The following HMCN2 variants were observed in gnomAD, a reference collection of about 807,000 sequenced individuals.
HMCN2 encodes hemicentin 2.
In HMCN2, 325 loss-of-function variants were observed where a neutral mutation model predicts 377.5. The ratio of observed to expected loss-of-function variants is 0.86; its 90% CI spans 0.79 to 0.94. The LOEUF (loss-of-function observed/expected upper bound fraction) is 0.94. Ranked by LOEUF, HMCN2 falls within the 40% of genes least tolerant of loss-of-function variation. HMCN2 has a pLI of 0.00. For synonymous variants in HMCN2, 2,007 were observed against 2,046.8 expected (o/e 0.98, Z 0.53); for missense variants, 4,543 against 4,725.3 (o/e 0.96, Z 1.13).
In HMCN2 at chr9:130,285,317, G is replaced by C. The variant is rs1554927292; in HGVS notation, c.489+1G>C. ...GCTCCTGCAGCTCAAGCAATCACAG[G>C]TGGGTGAGCCGGCTGTGGGGGCCCA... On this transcript the variant is annotated splice_donor_variant, in intron 3 of 97. Transcript: ENST00000683500. LOFTEE classifies it high-confidence loss of function. 8.5e-6 allele frequency: 4 copies of C among 471,094 alleles called. No individual in the cohort carries two copies. Among genetic ancestry groups the C allele is most frequent in the Non-Finnish European group, 1.8e-5 (4 of 227,026 alleles). 29.2% of individuals were successfully genotyped at this position (471,094 alleles called of 1,614,324 possible).
In HMCN2 at chr9:130,428,331, C is replaced by A; in HGVS notation, c.14066-27C>A. On this transcript the variant is annotated intron_variant, in intron 92 of 97. Transcript: ENST00000683500. This position sits in a 1 kb window ranked among gnomAD's most constrained non-coding sequence, Gnocchi z 5.0. Reference sequence around the variant, plus strand: ...GGCACGCCTGGGGATCATGTTCACACAGCCGTCTGCCCTGATCTGCCCCCA... The same window carrying A: ...GGCACGCCTGGGGATCATGTTCACAAAGCCGTCTGCCCTGATCTGCCCCCA... The A allele has an allele frequency of 6.6e-7, 1 of 1,510,728 alleles. No individual in the cohort carries two copies. Among genetic ancestry groups the A allele is most frequent in the Non-Finnish European group, 8.9e-7 (1 of 1,123,268 alleles). The allele number at this position is 1,510,728 out of a possible 1,614,324, so 93.6% of individuals were successfully genotyped here.
intron 36 of HMCN2, 80 bp from the exon 37 acceptor site, chr9:130,359,239 C>G: frequency 1.4e-6 from 1 of 691,956 alleles, no homozygotes; most frequent in Non-Finnish European, 2.2e-6. Flanking sequence ...GAGCAGGGAG[C>G]AGCACTGCTG....
chr9:130,295,713 C>G lies in HMCN2; in HGVS notation c.832C>G (p.Pro278Ala), dbSNP rs782556743. The G allele has an allele frequency of 4.2e-6, 2 of 471,062 alleles. No homozygotes were observed. Among genetic ancestry groups the G allele is most frequent in the Non-Finnish European group, 8.8e-6 (2 of 227,010 alleles). 29.2% of individuals were successfully genotyped at this position (471,062 alleles called of 1,614,324 possible). A position where few individuals can be genotyped will look rare whatever the true frequency, so the allele number is the denominator to read the frequency against. The change falls in exon 6 of 98, where the codon CCT becomes GCT. Residue 278 changes from proline (P) to alanine (A), a missense_variant. By Grantham distance (27) the Pro-to-Ala change is conservative (BLOSUM62 -1). Coordinates refer to ENST00000683500, the MANE Select transcript of HMCN2 (RefSeq NM_001291815.2). Reference protein sequence around the residue: ...DEGLNVLLNIPDSAKVVAFKP... With the variant: ...DEGLNVLLNIADSAKVVAFKP... ...GGGCCTCAACGTGCTTCTCAACATC[C>G]CTGACTCGGCCAAGGTCGTAGCCTT...
intron 82 of HMCN2, 64 bp downstream of exon 82, chr9:130,406,232 G>T: frequency 8.0e-7 from 1 of 1,257,714 alleles, no homozygotes; most frequent in Non-Finnish European, 1.0e-6. Flanking sequence ...AGAAGGGAGG[G>T]CAGGTGGGGA....
chr9:130,327,133 C>T, intron 21 of HMCN2, among the ~76,000 whole-genome samples, 177 bp from the exon 22 acceptor site: 1 of 152,160 alleles, frequency 6.6e-6, no homozygotes, highest in East Asian at 1.9e-4. Context: ...GGACCTGAGT[C>T]CCACCTCCAA....
chr9:130,317,551 G>A (rs1837628969), intron 15 of HMCN2, among the ~76,000 whole-genome samples: 1 of 150,644 alleles, frequency 6.6e-6, no homozygotes, highest in Admixed American at 6.6e-5. Flanking sequence ...CTGGAGTGCA[G>A]TGGTGCTATC....
At chr9:130,335,677 C>T (rs969037698) in intron 22 of HMCN2, among the ~76,000 whole-genome samples, 13 of 152,082 alleles carry the variant, frequency 8.5e-5, no homozygotes, top group African/African-American at 3.1e-4. Flanking sequence ...GATATCAGTT[C>T]ACACTAGATA....
At chr9:130,377,042 G>T (rs1021757995) in intron 52 of HMCN2, among the ~76,000 whole-genome samples, 1 of 152,076 alleles carries the variant, frequency 6.6e-6, no homozygotes, top group Admixed American at 6.5e-5. Flanking sequence ...CAGGTCATCT[G>T]CCCGCCTTGG....
At chr9:130,301,306 A>G (rs1554934336) in intron 8 of HMCN2, among the ~76,000 whole-genome samples, 1 of 152,256 alleles carries the variant, frequency 6.6e-6, no homozygotes, top group Non-Finnish European at 1.5e-5. Context: ...AGGGAATAAC[A>G]GCCTCTATTT....
At chr9:130,297,196 A>T (rs781832167) in intron 7 of HMCN2, among the ~76,000 whole-genome samples, 1 of 152,242 alleles carries the variant, frequency 6.6e-6, no homozygotes, top group Non-Finnish European at 1.5e-5. Flanking sequence ...GAAAGAACAC[A>T]TGCCAGTGAG....
Position 130,312,237 on chromosome 9 carries a change from G to A in HMCN2, c.2350+2176G>A, listed in dbSNP as rs984628897. On this transcript the variant is annotated intron_variant, in intron 15 of 97. Coordinates refer to ENST00000683500, the MANE Select transcript of HMCN2 (RefSeq NM_001291815.2). Reference sequence around the variant, plus strand: ...TGCTCACCAGCAGAGTGGGCCTGGCGCTGCTTACGTCTGCAAGCCTTGGGC... The same window carrying A: ...TGCTCACCAGCAGAGTGGGCCTGGCACTGCTTACGTCTGCAAGCCTTGGGC... 3.9e-5 allele frequency among the ~76,000 whole-genome samples: 6 copies of A among 152,064 alleles called. 1 individual carries two copies. The highest frequency in any genetic ancestry group is 1.9e-4 in the East Asian group (1 of 5,148).
rs994346781 is a variant in HMCN2, at chr9:130,285,308, C to G, written c.481C>G (p.Gln161Glu). 18 of 471,020 alleles carry G rather than the reference C, an allele frequency of 3.8e-5. No homozygotes were observed. The highest frequency in any genetic ancestry group is 1.4e-4 in the Admixed American group (6 of 42,574). The allele number at this position is 471,020 out of a possible 1,614,324, so 29.2% of individuals were successfully genotyped here. Residue 161 changes from glutamine (Q) to glutamate (E), a missense_variant, in exon 3 of 98, where the codon CAA becomes GAA. By Grantham distance (29) the Gln-to-Glu change is conservative (BLOSUM62 2). Coordinates refer to ENST00000683500, the MANE Select transcript of HMCN2 (RefSeq NM_001291815.2). ...GCTGCTGCGGCTCCTGCAGCTCAAG[C>G]AATCACAGGTGGGTGAGCCGGCTGT... Reference protein sequence around the residue: ...EELLRLLQLKQSQVVFVLTGD... With the variant: ...EELLRLLQLKESQVVFVLTGD...
At chr9:130,311,146 C>CT in intron 15 of HMCN2, among the ~76,000 whole-genome samples, 1 of 152,338 alleles carries the variant, frequency 6.6e-6, no homozygotes, top group East Asian at 1.9e-4. Context: ...AGATCAGGCT[C>CT]TGAGTGTTTG....
chr9:130,378,599 G>A (rs1805796368), intron 53 of HMCN2, among the ~76,000 whole-genome samples: 1 of 150,932 alleles, frequency 6.6e-6, no homozygotes, highest in Non-Finnish European at 1.5e-5. Flanking sequence ...CGGGGAGGCG[G>A]GGAGGCAGGG....
Position 130,373,143 on chromosome 9 carries a change from G to T in HMCN2, c.7438+19G>T, listed in dbSNP as rs1841130362. On this transcript the variant is annotated intron_variant, in intron 48 of 97. Transcript: ENST00000683500. ...GTCACAGGTAAGGGCCACATGATGTGATGGGCTGGGAGAAGGGGCGGGAAG... is the reference window on the plus strand; with the variant it reads ...GTCACAGGTAAGGGCCACATGATGTTATGGGCTGGGAGAAGGGGCGGGAAG... 1 of 953,288 alleles carries T rather than the reference G, an allele frequency of 1.0e-6. No individual in the cohort carries two copies. Among genetic ancestry groups the T allele is most frequent in the Non-Finnish European group, 1.2e-6 (1 of 800,270 alleles). 59.1% of individuals were successfully genotyped at this position (953,288 alleles called of 1,614,324 possible).
chr9:130,398,236 T>A (rs192318182), intron 74 of HMCN2, among the ~76,000 whole-genome samples: 103 of 145,610 alleles, frequency 7.1e-4, no homozygotes, highest in African/African-American at 2.4e-3. Context: ...CCCAGTCTCC[T>A]CCCCCTCCAA....
chr9:130,382,101 C>G (rs547930562), intron 54 of HMCN2, 83 bp from the exon 55 acceptor site: 33 of 454,426 alleles, frequency 7.3e-5, no homozygotes, highest in African/African-American at 7.0e-4. Context: ...GTCCCAGGTC[C>G]ACTCCAGAGG....
Position 130,377,774 on chromosome 9 carries a change from C to T in HMCN2, c.8187C>T (p.Asp2729=). ...CCACCAATGTGGCTGGCGAGGACGA[C>T]CAGGACTTCAACGTGCTCATCCAGG... ...CVATNVAGED[D]QDFNVLIQVP... The change falls in exon 53 of 98, where the codon GAC becomes GAT. Residue 2729 remains aspartate, a synonymous_variant. Coordinates refer to ENST00000683500, the MANE Select transcript of HMCN2 (RefSeq NM_001291815.2). The T allele has an allele frequency of 2.0e-6, 2 of 985,948 alleles. No homozygotes were observed. Among genetic ancestry groups the T allele is most frequent in the Non-Finnish European group, 2.4e-6 (2 of 829,986 alleles). The allele number at this position is 985,948 out of a possible 1,614,324, so 61.1% of individuals were successfully genotyped here.
chr9:130,357,163 T>C (rs1840074607), intron 34 of HMCN2, among the ~76,000 whole-genome samples: 1 of 140,540 alleles, frequency 7.1e-6, no homozygotes, highest in Non-Finnish European at 1.5e-5. Flanking sequence ...GATGGGTAAA[T>C]GGATAGATGG....
Sources: gnomAD v4.1 joint callset for allele counts (sites outside exome capture counted in the v4.1 genomes callset) on GRCh38, gnomAD v4.1.1 for gene constraint, Gnocchi (gnomAD v3.1) non-coding constraint, MANE v1.5 for transcripts, NCBI Gene and HGNC (gene_info 2026-07-23, HGNC 2026-07-21) for gene names.